Variants in ACAD9 observed in about 807,000 individuals in gnomAD.
The protein encoded by ACAD9 is complex I assembly factor ACAD9, mitochondrial.
ACAD9 carries 53 observed loss-of-function variants against 70.2 expected under a neutral mutation model. The ratio of observed to expected loss-of-function variants is 0.75; its 90% confidence interval spans 0.61 to 0.95. ACAD9 has a LOEUF of 0.95. Among genes scored for constraint, ACAD9 ranks in the 40% least tolerant of loss-of-function variants. The probability of loss-of-function intolerance (pLI) is 0.00; values close to 1 mark genes in which losing one functional copy is unlikely to be tolerated. For synonymous variants in ACAD9, 313 were observed against 312.1 expected (o/e 1.00, Z -0.03); for missense variants, 777 against 802.8 (o/e 0.97, Z 0.39).
At chr3:128,888,249 C>G (rs1386004956) in intron 2 of ACAD9, among the ~76,000 whole-genome samples, 1 of 152,168 alleles carries the variant, frequency 6.6e-6, no homozygotes, top group Non-Finnish European at 1.5e-5. Context: ...ACTGTACAGT[C>G]TTCAGAGAAT....
chr3:128,902,392 T>C lies in ACAD9; in HGVS notation c.883-161T>C, dbSNP rs1346766278. ...GTGGTCTTGTGTGTGGGGATGTTGG[T>C]AGAGCTGCAACAGTGACTGAACCAC... is the stretch of plus-strand genomic sequence containing the variant. On this transcript the variant is annotated intron_variant, in intron 8 of 17. Coordinates refer to ENST00000308982, the MANE Select transcript of ACAD9 (RefSeq NM_014049.5). The surrounding 1 kb of genome is among the most constrained non-coding windows in gnomAD (Gnocchi z 4.0). Among the ~76,000 whole-genome samples the C allele has an allele frequency of 2.6e-5, 4 of 152,144 alleles. No homozygotes were observed. Among genetic ancestry groups the C allele is most frequent in the Non-Finnish European group, 4.4e-5 (3 of 68,032 alleles).
At chr3:128,880,965 G>T (rs910117128) in intron 1 of ACAD9, among the ~76,000 whole-genome samples, 1 of 152,140 alleles carries the variant, frequency 6.6e-6, no homozygotes, top group Non-Finnish European at 1.5e-5. Context: ...GAAACCAACA[G>T]TATACTTGCT....
chr3:128,908,304 C>A (rs1479654976), intron 13 of ACAD9, 40 bp downstream of exon 13: 1 of 1,609,782 alleles, frequency 6.2e-7, no homozygotes, highest in South Asian at 1.1e-5. Flanking sequence ...AGGTCCCATA[C>A]CTGCCCAGCA....
At chr3:128,909,318 G>A (rs1936031052) in intron 14 of ACAD9, 26 bp from the exon 15 acceptor site, 1 of 1,613,432 alleles carries the variant, frequency 6.2e-7, no homozygotes, top group African/African-American at 1.3e-5. Flanking sequence ...ATGAGGTGCT[G>A]AACTGAGTCC....
rs765813353 is a variant in ACAD9 at position 128,908,235 on chromosome 3, T to C, written c.1329T>C (p.His443=). The C allele has an allele frequency of 1.2e-6, 2 of 1,614,178 alleles. No homozygotes were observed. Among genetic ancestry groups the C allele is most frequent in the Non-Finnish European group, 1.7e-6 (2 of 1,180,018 alleles). Residue 443 remains histidine (H), a synonymous_variant, in exon 13 of 18, where the codon CAT becomes CAC. Transcript: ENST00000308982. ...ACATCGCCCTGACGGGTCTGCAGCA[T>C]GCCGGCCGCATCCTGACTACCAGGA... The part of the protein sequence containing the change: ...RMYIALTGLQ[H]AGRILTTRIH...
intron 11 of ACAD9, 32 bp from the exon 12 acceptor site, chr3:128,906,089 T>C (rs1202889104): frequency 8.7e-6 from 14 of 1,613,880 alleles, no homozygotes; most frequent in Non-Finnish European, 1.1e-5. Context: ...TAGGTCCTCC[T>C]TTTGGAAAGG....
At chr3:128,898,143 C>T (rs1935619968) in intron 6 of ACAD9, among the ~76,000 whole-genome samples, 1 of 152,120 alleles carries the variant, frequency 6.6e-6, no homozygotes, top group East Asian at 1.9e-4. Context: ...AGGCAATGAG[C>T]CACTGTGCCC....
At chr3:128,899,014 G>A (rs895147379) in intron 6 of ACAD9, among the ~76,000 whole-genome samples, 1 of 152,224 alleles carries the variant, frequency 6.6e-6, no homozygotes, top group African/African-American at 2.4e-5. Context: ...GTCTGGCGGT[G>A]GAGCCTGAGC....
chr3:128,904,445 A>G lies in ACAD9; in HGVS notation c.1089A>G (p.Thr363=). The G allele has an allele frequency of 6.2e-7, 1 of 1,614,250 alleles. No individual in the cohort carries two copies. The highest frequency in any genetic ancestry group is 8.5e-7 in the Non-Finnish European group (1 of 1,180,044). The change falls in exon 11 of 18, where the codon ACA becomes ACG. Residue 363 remains threonine, a synonymous_variant. Coordinates refer to ENST00000308982, the MANE Select transcript of ACAD9 (RefSeq NM_014049.5). ...TCATGGAGAGTATGACCTACCTCAC[A>G]GCAGGGATGCTGGACCAACCTGGCT... ...AYVMESMTYL[T]AGMLDQPGFP... is the part of the protein sequence containing the mutation.
chr3:128,879,936 C>A, intron 1 of ACAD9, 95 bp downstream of exon 1: 2 of 1,597,956 alleles, frequency 1.3e-6, no homozygotes, highest in Admixed American at 1.8e-5. Context: ...TTCCCCAAAC[C>A]TGCCAGAGAG....
intron 14 of ACAD9, 111 bp from the exon 15 acceptor site, chr3:128,909,233 C>G: frequency 6.3e-7 from 1 of 1,593,830 alleles, no homozygotes; most frequent in East Asian, 2.2e-5. Context: ...GTCCATGACA[C>G]CCTGGATTGC....
intron 1 of ACAD9, among the ~76,000 whole-genome samples, chr3:128,883,102 T>C (rs60880885): frequency 0.02 from 3,054 of 151,534 alleles, 96 homozygotes; most frequent in African/African-American, 0.068. Flanking sequence ...GTTTTTTTTT[T>C]CCTTGAGACA....
chr3:128,889,055 C>G (rs187690569), intron 2 of ACAD9, among the ~76,000 whole-genome samples: 1 of 151,284 alleles, frequency 6.6e-6, no homozygotes, highest in East Asian at 1.9e-4. Flanking sequence ...TGTATCTTTT[C>G]TATGTTTAGC....
intron 17 of ACAD9, among the ~76,000 whole-genome samples, chr3:128,912,035 G>C (rs1462717182): frequency 6.6e-6 from 1 of 152,232 alleles, no homozygotes; most frequent in East Asian, 1.9e-4. Context: ...TGAGGTTCTG[G>C]ATCAGTGTCC....
chr3:128,912,420 C>A, intron 17 of ACAD9, 87 bp from the exon 18 acceptor site: 1 of 1,240,734 alleles, frequency 8.1e-7, no homozygotes, highest in Non-Finnish European at 1.2e-6. Flanking sequence ...GGTGGGCTGA[C>A]TTTGTGGAAA....
rs754669331 is a variant in ACAD9, at chr3:128,912,560, G to A, written c.1819G>A (p.Glu607Lys). The change falls in exon 18 of 18, where the codon GAG becomes AAG. Residue 607 changes from glutamate to lysine, a missense_variant. Physicochemically the swap from Glu to Lys is moderately conservative, Grantham distance 56 (BLOSUM62 1). Transcript: ENST00000308982. ...TAAGAAAGTGTCCCAGCAGATCCTTGAGAAGCGAGCCTATATCTGTGCCCA... is the reference window on the plus strand; with the variant it reads ...TAAGAAAGTGTCCCAGCAGATCCTTAAGAAGCGAGCCTATATCTGTGCCCA... Reference protein sequence around the residue: ...QIKKVSQQILEKRAYICAHPL... With the variant: ...QIKKVSQQILKKRAYICAHPL... The A allele has an allele frequency of 1.2e-6, 2 of 1,614,074 alleles. No homozygotes were observed. Among genetic ancestry groups the A allele is most frequent in the East Asian group, 2.2e-5 (1 of 44,894 alleles).
chr3:128,880,774 C>T (rs1348103691), intron 1 of ACAD9, among the ~76,000 whole-genome samples: 2 of 152,166 alleles, frequency 1.3e-5, no homozygotes, highest in Non-Finnish European at 2.9e-5. Context: ...ATAAACGGTG[C>T]ATGGAGAGTC....
intron 5 of ACAD9, among the ~76,000 whole-genome samples, chr3:128,896,802 T>C (rs1001286917): frequency 2.6e-5 from 4 of 152,208 alleles, no homozygotes; most frequent in African/African-American, 4.8e-5. Flanking sequence ...ACATACAATA[T>C]AGTAATAACG....
chr3:128,880,165 G>C (rs1184564269), intron 1 of ACAD9: 2 of 629,688 alleles, frequency 3.2e-6, no homozygotes, highest in South Asian at 3.8e-5. Flanking sequence ...AATGTGCGGG[G>C]CTTCCTCTCT....
Sources: allele counts gnomAD v4.1 joint callset (sites outside exome capture counted in the v4.1 genomes callset), GRCh38; gene constraint gnomAD v4.1.1; non-coding constraint Gnocchi (gnomAD v3.1); transcripts MANE v1.5; gene names NCBI Gene and HGNC (gene_info 2026-07-23, HGNC 2026-07-21).